The following DHX38 variants were observed in gnomAD, a reference collection of about 807,000 sequenced individuals.
DHX38 encodes the protein pre-mRNA-splicing factor ATP-dependent RNA helicase PRP16.
DHX38 carries 100 observed loss-of-function variants against 153.1 expected under a neutral mutation model. The observed-to-expected ratio is 0.65, with a 90% CI of 0.56 to 0.77. The LOEUF is 0.77. DHX38 is among the 30% of genes least tolerant of loss of function. The pLI, the probability that DHX38 is intolerant of heterozygous loss-of-function variation, is 0.00. For missense variants in DHX38, 1,440 were observed against 1,654.0 expected, an observed-to-expected ratio of 0.87 and a Z score of 2.24; for synonymous variants, 650 against 631.7, an observed-to-expected ratio of 1.03 and a Z score of -0.43.
intron 1 of DHX38, 65 bp from the exon 2 acceptor site, chr16:72,096,074 C>T: frequency 1.4e-6 from 2 of 1,476,100 alleles, no homozygotes; most frequent in East Asian, 2.3e-5. Context: ...ACCATAACTG[C>T]ATTTATTGTG....
At position 72,096,290 on chromosome 16, in the gene DHX38, C is replaced by A. The variant is rs372776663; in HGVS notation, c.133C>A (p.Arg45Ser). 6.2e-7 allele frequency: 1 copy of A among 1,614,156 alleles called. No homozygotes were observed. The highest frequency in any genetic ancestry group is 8.5e-7 in the Non-Finnish European group (1 of 1,180,024). ...EQHVFKAPAP[R>S]PSLLGLDLLA... ...GCATGTCTTCAAGGCTCCTGCTCCC[C>A]GCCCTTCATTACTCGGACTGGACTT... is the stretch of plus-strand genomic sequence containing the variant. Residue 45 changes from arginine to serine, a missense_variant, in exon 2 of 27, where the codon CGC becomes AGC. By Grantham distance (110) the Arg-to-Ser change is moderately radical. Coordinates refer to ENST00000268482, the MANE Select transcript of DHX38 (RefSeq NM_014003.4).
intron 24 of DHX38, 134 bp from the exon 25 acceptor site, chr16:72,109,281 G>A (rs2042226492): frequency 3.9e-6 from 4 of 1,013,018 alleles, no homozygotes; most frequent in Admixed American, 5.7e-5. Flanking sequence ...AGTATCTGGG[G>A]TTTTTCCTTT....
chr16:72,104,891 G>T lies in DHX38; in HGVS notation c.2152-136G>T. The T allele has an allele frequency of 2.2e-6, 2 of 904,232 alleles. No homozygotes were observed. 56.0% of individuals were successfully genotyped at this position (904,232 alleles called of 1,614,324 possible). A position where few individuals can be genotyped will look rare whatever the true frequency, so the allele number is the denominator to read the frequency against. On this transcript the variant is annotated intron_variant, in intron 15 of 26. Transcript: ENST00000268482. This position sits in a 1 kb window ranked among gnomAD's most constrained non-coding sequence, Gnocchi z 4.5. The stretch of plus-strand genomic sequence containing the variant: ...CCTCTTGTAGAGGCCTCGCAGTCAG[G>T]CCCATGTGGAGGTGTGGTGGCCCTC...
chr16:72,108,349 C>A lies in DHX38; in HGVS notation c.3087C>A (p.Asn1029Lys). The A allele has an allele frequency of 6.2e-7, 1 of 1,614,144 alleles. No homozygotes were observed. The change falls in exon 22 of 27, where the codon AAC becomes AAA. Residue 1029 changes from asparagine to lysine, a missense_variant. Physicochemically the swap from Asn to Lys is moderately conservative, Grantham distance 94. Transcript: ENST00000268482. ...ATAATTACTCCACCATCTGGTGTAA[C>A]GATCATTTCATCCATGCTAAGGCCA... ...KNNNYSTIWC[N>K]DHFIHAKAMR...
In DHX38 at chr16:72,107,612, C is replaced by T. The variant is rs752218527; in HGVS notation, c.2810-33C>T. 9.9e-6 allele frequency: 16 copies of T among 1,610,706 alleles called. No homozygotes were observed. The highest frequency in any genetic ancestry group is 2.7e-5 in the African/African-American group (2 of 74,864). ...GACTTCCTTCTTTCCTCTACTGTCC[C>T]GTCAAATATCCGGGTTTGCTCATCT... On this transcript the variant is annotated intron_variant, in intron 20 of 26. Transcript: ENST00000268482. This position sits in a 1 kb window ranked among gnomAD's most constrained non-coding sequence, Gnocchi z 5.3.
intron 1 of DHX38, among the ~76,000 whole-genome samples, chr16:72,095,428 G>T (rs1352068763): frequency 6.6e-6 from 1 of 152,180 alleles, no homozygotes; most frequent in Admixed American, 6.5e-5. Context: ...GTAGCCTTCT[G>T]CCCCATCTCT....
In DHX38 at chr16:72,105,226, T is replaced by C. The variant is rs763664552; in HGVS notation, c.2263-6T>C. The C allele has an allele frequency of 6.2e-7, 1 of 1,614,128 alleles. No individual in the cohort carries two copies. The highest frequency in any genetic ancestry group is 8.5e-7 in the Non-Finnish European group (1 of 1,179,992). ...AGTGTCTCACAGCTCCTCCCTGGGC[T>C]CTCAGGTGACCTCAGACCAGATTGT... On this transcript the variant is annotated splice_region_variant and splice_polypyrimidine_tract_variant and intron_variant, in intron 16 of 26. Coordinates refer to ENST00000268482, the MANE Select transcript of DHX38 (RefSeq NM_014003.4).
rs1320429536 is a variant in DHX38, at chr16:72,104,097, T to C, written c.1976T>C (p.Leu659Pro). 6.2e-7 allele frequency: 1 copy of C among 1,614,050 alleles called. No homozygotes were observed. Among genetic ancestry groups the C allele is most frequent in the Non-Finnish European group, 8.5e-7 (1 of 1,180,040 alleles). The stretch of plus-strand genomic sequence containing the variant: ...ATGGACGAGGCCCACGAGCGCTCCC[T>C]CAACACTGACGTGCTCTTTGGGCTG... ...IIMDEAHERS[L>P]NTDVLFGLLR... The change falls in exon 14 of 27, where the codon CTC becomes CCC. Residue 659 changes from leucine to proline, a missense_variant. By Grantham distance (98) the Leu-to-Pro change is moderately conservative (BLOSUM62 -3). Coordinates refer to ENST00000268482, the MANE Select transcript of DHX38 (RefSeq NM_014003.4). This position sits in a 1 kb window ranked among gnomAD's most constrained non-coding sequence, Gnocchi z 4.5.
In DHX38 at chr16:72,096,497, G is replaced by A. The variant is rs1467794976; in HGVS notation, c.323+17G>A. On this transcript the variant is annotated intron_variant, in intron 2 of 26. Coordinates refer to ENST00000268482, the MANE Select transcript of DHX38 (RefSeq NM_014003.4). ...GAAAGACAGGTAAAGGCCTTAGTAT[G>A]GGTTAGCCCAGAGGGAAGCGAACGG... The A allele has an allele frequency of 1.9e-6, 3 of 1,598,700 alleles. No individual in the cohort carries two copies. The Admixed American group carries it at 5.1e-5, about 27-fold the overall frequency.
Position 72,107,738 on chromosome 16 carries a change from G to A in DHX38, c.2903G>A (p.Ser968Asn). The A allele has an allele frequency of 6.2e-7, 1 of 1,614,094 alleles. No individual in the cohort carries two copies. The highest frequency in any genetic ancestry group is 8.5e-7 in the Non-Finnish European group (1 of 1,180,024). ...MLIVSCDMGCSSEILLIVSML... is the reference protein window; with the variant it reads ...MLIVSCDMGCNSEILLIVSML... ...ATCGTGTCCTGTGACATGGGCTGCA[G>A]CTCCGAGATCCTGCTCATCGTTTCC... Residue 968 changes from serine to asparagine, a missense_variant, in exon 21 of 27, where the codon AGC (serine) becomes AAC (asparagine). Physicochemically the swap from Ser to Asn is conservative, Grantham distance 46. Transcript: ENST00000268482. The surrounding 1 kb of genome is among the most constrained non-coding windows in gnomAD (Gnocchi z 5.3).
intron 9 of DHX38, 84 bp downstream of exon 9, chr16:72,100,681 G>C: frequency 6.4e-7 from 1 of 1,551,190 alleles, no homozygotes; most frequent in South Asian, 1.2e-5. Context: ...CTGTCATCCC[G>C]GCACTTTGGG....
intron 11 of DHX38, among the ~76,000 whole-genome samples, 183 bp downstream of exon 11, chr16:72,101,795 A>G (rs1272281132): frequency 1.3e-5 from 2 of 151,930 alleles, no homozygotes; most frequent in Non-Finnish European, 2.9e-5. Flanking sequence ...CACTTTTCCT[A>G]TATGTGATTC....
At chr16:72,101,816 A>G (rs1383236701) in intron 11 of DHX38, among the ~76,000 whole-genome samples, 1 of 151,912 alleles carries the variant, frequency 6.6e-6, no homozygotes, top group Non-Finnish European at 1.5e-5. Flanking sequence ...CTCCTCCCTC[A>G]CACTGCTTCC....
chr16:72,100,967 A>G (rs1038163532), intron 9 of DHX38, 119 bp from the exon 10 acceptor site: 1 of 1,002,600 alleles, frequency 1.0e-6, no homozygotes, highest in African/African-American at 1.6e-5. Context: ...AAAGAAGAGA[A>G]GGGAGAAAAT....
At chr16:72,101,917 C>G (rs530698221) in intron 11 of DHX38, among the ~76,000 whole-genome samples, 51 of 152,300 alleles carry the variant, frequency 3.3e-4, no homozygotes, top group Admixed American at 7.8e-4. Context: ...GAGTTAGGAT[C>G]AGACCCAGGC....
In DHX38 at chr16:72,096,954, G is replaced by A; in HGVS notation, c.456G>A (p.Lys152=). The A allele has an allele frequency of 1.2e-6, 2 of 1,614,078 alleles. No homozygotes were observed. The highest frequency in any genetic ancestry group is 1.3e-5 in the African/African-American group (1 of 75,044). ...HGVYASSKEE[K]DWKKEKSRDR... ...TCTATGCCTCGTCCAAAGAAGAAAAGGATTGGAAGAAGGAGAAATCGCGGG... is the reference window on the plus strand; with the variant it reads ...TCTATGCCTCGTCCAAAGAAGAAAAAGATTGGAAGAAGGAGAAATCGCGGG... The change falls in exon 3 of 27, where the codon AAG becomes AAA. Residue 152 remains lysine (K), a synonymous_variant. Transcript: ENST00000268482.
chr16:72,103,462 C>G (rs949822652), intron 12 of DHX38, 140 bp from the exon 13 acceptor site: 11 of 1,023,972 alleles, frequency 1.1e-5, no homozygotes, highest in African/African-American at 4.9e-5. Flanking sequence ...AGGCTGTTGT[C>G]CCAGTGAAAT....
chr16:72,096,506 C>A, intron 2 of DHX38, 26 bp downstream of exon 2: 1 of 1,570,484 alleles, frequency 6.4e-7, no homozygotes, highest in Non-Finnish European at 8.6e-7. Flanking sequence ...TGGGTTAGCC[C>A]AGAGGGAAGC....
Position 72,107,262 on chromosome 16 carries a change from C to T in DHX38, c.2601-78C>T. The stretch of plus-strand genomic sequence containing the variant: ...GGGGAGAAGAAATGAGAATTTCCTC[C>T]CTCCCTGTGGGATTTCATCTGTACT... On this transcript the variant is annotated intron_variant, in intron 19 of 26. Transcript: ENST00000268482. This position sits in a 1 kb window ranked among gnomAD's most constrained non-coding sequence, Gnocchi z 5.3. 3.5e-6 allele frequency: 5 copies of T among 1,425,652 alleles called. No homozygotes were observed. The South Asian group carries it at 5.4e-5, about 15-fold the overall frequency. The allele number at this position is 1,425,652 out of a possible 1,614,324, so 88.3% of individuals were successfully genotyped here.
Sources: gnomAD v4.1 joint callset for allele counts (sites outside exome capture counted in the v4.1 genomes callset) on GRCh38, gnomAD v4.1.1 for gene constraint, Gnocchi (gnomAD v3.1) non-coding constraint, MANE v1.5 for transcripts, NCBI Gene and HGNC (gene_info 2026-07-23, HGNC 2026-07-21) for gene names.